CRTC1: variants seen among roughly 807,000 people sequenced by gnomAD.
CRTC1 encodes the protein CREB regulated transcription coactivator 1, also known as CREB-regulated transcription coactivator 1.
CRTC1 carries 18 observed loss-of-function variants against 66.1 expected under a neutral mutation model. That is an observed-to-expected ratio of 0.27 (90% CI 0.19 to 0.40). The LOEUF is 0.40. Ranked by LOEUF, CRTC1 falls within the 10% of genes least tolerant of loss-of-function variation. The pLI is 1.00. For synonymous variants in CRTC1, 416 were observed against 398.8 expected (o/e 1.04, Z -0.51); for missense variants, 669 against 887.9 (o/e 0.75, Z 3.13).
At chr19:18,743,071 C>G (rs1568515504) in intron 2 of CRTC1, 45 bp downstream of exon 2, 1 of 1,450,316 alleles carries the variant, frequency 6.9e-7, no homozygotes, top group Admixed American at 1.7e-5. Context: ...GGGGAGCTTC[C>G]CCCAGCCTCC....
chr19:18,720,690 CG>C (rs2053607253), intron 1 of CRTC1, among the ~76,000 whole-genome samples: 1 of 152,184 alleles, frequency 6.6e-6, no homozygotes, highest in Non-Finnish European at 1.5e-5. Context: ...TCAGTAGAGA[CG>C]GGGTTTCATC....
rs996167250 is a variant in CRTC1, at chr19:18,768,477, T to C, written c.1012-8T>C. The C allele has an allele frequency of 1.1e-5, 17 of 1,607,470 alleles. No homozygotes were observed. The African/African-American group carries it at 2.3e-4, about 22-fold the overall frequency. ...GCCCGCCCTGCCTGACGCTCTCCTC[T>C]CCTGCAGGCTGTAGCCATGGACGCC... On this transcript the variant is annotated splice_polypyrimidine_tract_variant and splice_region_variant and intron_variant, in intron 9 of 13. Transcript: ENST00000321949. The surrounding 1 kb of genome is among the most constrained non-coding windows in gnomAD (Gnocchi z 5.6).
At chr19:18,729,380 C>T (rs138071733) in intron 1 of CRTC1, among the ~76,000 whole-genome samples, 5,140 of 148,342 alleles carry the variant, frequency 0.035, 315 homozygotes, top group African/African-American at 0.12. Context: ...GAGCTGAGAT[C>T]GCGCCACTGC....
intron 1 of CRTC1, among the ~76,000 whole-genome samples, chr19:18,736,599 C>T (rs988386679): frequency 6.6e-6 from 1 of 152,024 alleles, no homozygotes; most frequent in Admixed American, 6.5e-5. Context: ...GTACAGGCAG[C>T]ACCCGTGCAA....
At chr19:18,715,044 C>T (rs777342641) in intron 1 of CRTC1, among the ~76,000 whole-genome samples, 1 of 152,258 alleles carries the variant, frequency 6.6e-6, no homozygotes, top group Admixed American at 6.5e-5. Context: ...TGTATACTCT[C>T]CCAGCTCTGG....
Position 18,707,052 on chromosome 19 carries a change from A to G in CRTC1, c.126+23224A>G, listed in dbSNP as rs750293486. 5.3e-5 allele frequency among the ~76,000 whole-genome samples: 8 copies of G among 152,084 alleles called. No individual in the cohort carries two copies. The South Asian group carries it at 6.2e-4, about 12-fold the overall frequency. ...GTGTTTTTAATTTTGGCAGCATCCA[A>G]TTTATGTATTTTTTCTTTTGTTGCC... On this transcript the variant is annotated intron_variant, in intron 1 of 13. Transcript: ENST00000321949.
At chr19:18,700,332 C>T (rs2053103686) in intron 1 of CRTC1, among the ~76,000 whole-genome samples, 1 of 152,208 alleles carries the variant, frequency 6.6e-6, no homozygotes, top group Non-Finnish European at 1.5e-5. Context: ...GCCACCCTGT[C>T]CCTTATCCAC....
intron 6 of CRTC1, among the ~76,000 whole-genome samples, chr19:18,757,057 C>T (rs1304035166): frequency 1.3e-5 from 2 of 152,258 alleles, no homozygotes; most frequent in Non-Finnish European, 2.9e-5. Context: ...ATTGCCCCCT[C>T]ACGGTGTGTG....
chr19:18,759,890 C>T (rs781489621), intron 7 of CRTC1, 118 bp from the exon 8 acceptor site: 71 of 847,814 alleles, frequency 8.4e-5, no homozygotes, highest in East Asian at 3.0e-4. Context: ...CCCAAGCACA[C>T]GGCACCTGAT....
At chr19:18,717,560 GC>G (rs1259362012) in intron 1 of CRTC1, among the ~76,000 whole-genome samples, 1 of 152,160 alleles carries the variant, frequency 6.6e-6, no homozygotes, top group Admixed American at 6.5e-5. Flanking sequence ...TGTGTGTGGG[GC>G]ACTGGGGCCC....
chr19:18,759,624 C>A, intron 7 of CRTC1, 33 bp downstream of exon 7: 1 of 1,609,076 alleles, frequency 6.2e-7, no homozygotes, highest in Non-Finnish European at 8.5e-7. Context: ...CCGCACACTG[C>A]ATCTGCTGCG....
At chr19:18,715,384 C>T (rs760622927) in intron 1 of CRTC1, among the ~76,000 whole-genome samples, 5 of 152,326 alleles carry the variant, frequency 3.3e-5, no homozygotes, top group South Asian at 2.1e-4. Flanking sequence ...CACGACACCA[C>T]GCCTGGCTAA....
intron 9 of CRTC1, among the ~76,000 whole-genome samples, chr19:18,765,819 G>A (rs2054720554): frequency 6.6e-6 from 1 of 151,966 alleles, no homozygotes; most frequent in Admixed American, 6.6e-5. Context: ...AAATTAGCTG[G>A]GCATGGTGGT....
chr19:18,747,758 T>C (rs571556716), intron 4 of CRTC1, among the ~76,000 whole-genome samples: 3 of 152,240 alleles, frequency 2.0e-5, no homozygotes, highest in East Asian at 1.9e-4. Flanking sequence ...GATAAAATTA[T>C]ATTAACACAT....
At chr19:18,747,003 G>A (rs989675104) in intron 3 of CRTC1, 50 bp from the exon 4 acceptor site, 2 of 1,570,496 alleles carry the variant, frequency 1.3e-6, no homozygotes, top group African/African-American at 1.4e-5. Flanking sequence ...AGAGTGTGTT[G>A]TTGGAGGCGG....
chr19:18,761,485 T>G (rs2054613611), intron 8 of CRTC1, among the ~76,000 whole-genome samples: 1 of 152,278 alleles, frequency 6.6e-6, no homozygotes, highest in East Asian at 1.9e-4. Context: ...CCCGGCCCAC[T>G]CCACCAGCCC....
intron 1 of CRTC1, among the ~76,000 whole-genome samples, chr19:18,738,093 G>C (rs1433305437): frequency 6.6e-6 from 1 of 152,096 alleles, no homozygotes; most frequent in East Asian, 1.9e-4. Flanking sequence ...GCTGAGGTGG[G>C]AGGACTGCTT....
At chr19:18,701,373 G>A (rs2053135724) in intron 1 of CRTC1, among the ~76,000 whole-genome samples, 1 of 152,382 alleles carries the variant, frequency 6.6e-6, no homozygotes, top group East Asian at 1.9e-4. Flanking sequence ...CACGCAAAGT[G>A]TCTGGCCCCG....
intron 1 of CRTC1, among the ~76,000 whole-genome samples, chr19:18,734,690 G>C (rs2053960944): frequency 6.6e-6 from 1 of 152,184 alleles, no homozygotes; most frequent in Non-Finnish European, 1.5e-5. Context: ...ATAAAAGAAA[G>C]AAAGAAAACA....
Sources: gnomAD v4.1 joint callset for allele counts (sites outside exome capture counted in the v4.1 genomes callset) on GRCh38, gnomAD v4.1.1 for gene constraint, Gnocchi (gnomAD v3.1) non-coding constraint, MANE v1.5 for transcripts, NCBI Gene and HGNC (gene_info 2026-07-23, HGNC 2026-07-21) for gene names.